LARP4B: variants seen among roughly 807,000 people sequenced by gnomAD.
LARP4B encodes the protein La ribonucleoprotein 4B.
LARP4B carries 12 observed loss-of-function variants against 89.8 expected under a neutral mutation model. The observed-to-expected ratio is 0.13, with a 90% confidence interval of 0.09 to 0.22. The LOEUF is 0.22. Ranked by LOEUF, LARP4B falls within the 10% of genes least tolerant of loss-of-function variation. The probability of loss-of-function intolerance (pLI) is 1.00; values close to 1 mark genes in which losing one functional copy is unlikely to be tolerated. For missense variants in LARP4B, 757 were observed against 947.7 expected, an observed-to-expected ratio of 0.80 and a Z score of 2.64; for synonymous variants, 367 against 363.3, an observed-to-expected ratio of 1.01 and a Z score of -0.12.
At chr10:950,080 C>CT in the LARP4B span, among the ~76,000 whole-genome samples, 10 of 149,518 alleles carry the variant, frequency 6.7e-5, no homozygotes, top group South Asian at 2.1e-4. Context: ...CTGGCCTTAG[C>CT]TTTTTTTTTT....
chr10:882,303 T>C (rs932148808), intron 3 of LARP4B, among the ~76,000 whole-genome samples: 2 of 152,118 alleles, frequency 1.3e-5, no homozygotes, highest in Non-Finnish European at 2.9e-5. Context: ...TACAGTTTAG[T>C]GGAGAAAACA....
Position 822,311 on chromosome 10 carries a change from G to C in LARP4B, c.1485-1466C>G, listed in dbSNP as rs1564382722. Reference sequence around the variant, plus strand: ...GGCATTGCCCTGAGCGCTGGACAGAGGGACAGCAGCCACATGGGCAGAGGA... The same window carrying C: ...GGCATTGCCCTGAGCGCTGGACAGACGGACAGCAGCCACATGGGCAGAGGA... On this transcript the variant is annotated intron_variant, in intron 13 of 17. Transcript: ENST00000316157. This position sits in a 1 kb window ranked among gnomAD's most constrained non-coding sequence, Gnocchi z 4.6. 6.6e-6 allele frequency among the ~76,000 whole-genome samples: 1 copy of C among 152,214 alleles called. No individual in the cohort carries two copies. The highest frequency in any genetic ancestry group is 1.9e-4 in the East Asian group (1 of 5,196).
At chr10:841,201 TAAG>T (rs1223689493) in intron 7 of LARP4B, among the ~76,000 whole-genome samples, 2 of 152,118 alleles carry the variant, frequency 1.3e-5, no homozygotes, top group Non-Finnish European at 2.9e-5. Context: ...AAAAAAAAAG[TAAG>T]ATGAGAACTT....
At chr10:972,230 G>A in the LARP4B span, 4 of 319,080 alleles carry the variant, frequency 1.3e-5, no homozygotes, top group Non-Finnish European at 1.9e-5. Flanking sequence ...GTTTTGCCAT[G>A]TTGGCCAGAC....
chr10:922,716 T>C (rs1000288902), intron 1 of LARP4B, among the ~76,000 whole-genome samples: 1 of 144,922 alleles, frequency 6.9e-6, no homozygotes, highest in Non-Finnish European at 1.5e-5. Context: ...AATAAATAAA[T>C]AACAAGTATC....
chr10:832,726 C>A (rs888883531), intron 8 of LARP4B, among the ~76,000 whole-genome samples: 14 of 151,992 alleles, frequency 9.2e-5, no homozygotes, highest in Admixed American at 6.6e-4. Context: ...AGCAAAAATA[C>A]CTTTCATAAA....
chr10:886,981 A>G (rs1369427968), intron 1 of LARP4B, among the ~76,000 whole-genome samples: 1 of 152,106 alleles, frequency 6.6e-6, no homozygotes, highest in Non-Finnish European at 1.5e-5. Context: ...CCCAGCTACT[A>G]TAGGCTGAGG....
chr10:890,294 G>C (rs1265758075), intron 1 of LARP4B, among the ~76,000 whole-genome samples: 1 of 152,106 alleles, frequency 6.6e-6, no homozygotes, highest in Non-Finnish European at 1.5e-5. Context: ...TGTGTAAACT[G>C]TATCATCAAT....
chr10:875,165 A>T (rs960968459), intron 3 of LARP4B, among the ~76,000 whole-genome samples: 8 of 152,216 alleles, frequency 5.3e-5, no homozygotes, highest in Non-Finnish European at 8.8e-5. Context: ...ATGAAAGGAC[A>T]TAGTAAAGCA....
At chr10:909,623 A>C (rs548572702) in intron 1 of LARP4B, among the ~76,000 whole-genome samples, 1 of 151,764 alleles carries the variant, frequency 6.6e-6, no homozygotes, top group East Asian at 2.0e-4. Flanking sequence ...CGTCTCTACT[A>C]AAAGTACAAA....
At chr10:878,604 C>T (rs1174511105) in intron 3 of LARP4B, among the ~76,000 whole-genome samples, 1 of 152,190 alleles carries the variant, frequency 6.6e-6, no homozygotes, top group Admixed American at 6.5e-5. Context: ...CAGAAATACA[C>T]TGAGTTGTAC....
chr10:941,293 A>G, the LARP4B span, among the ~76,000 whole-genome samples: 1 of 147,796 alleles, frequency 6.8e-6, no homozygotes, highest in South Asian at 2.1e-4. Context: ...CCAATTCCCC[A>G]TGAGCTTACT....
At chr10:961,245 A>T in the LARP4B span, among the ~76,000 whole-genome samples, 1 of 152,240 alleles carries the variant, frequency 6.6e-6, no homozygotes, top group African/African-American at 2.4e-5. Context: ...GTCTTAGTCC[A>T]TTCGTGTTGC....
chr10:886,685 G>A (rs191773435), intron 1 of LARP4B, among the ~76,000 whole-genome samples: 33 of 152,304 alleles, frequency 2.2e-4, no homozygotes, highest in African/African-American at 7.7e-4. Context: ...GAACCTGAAG[G>A]ATATTATGCC....
chr10:817,131 G>A (rs1175432160), intron 15 of LARP4B, among the ~76,000 whole-genome samples: 1 of 152,198 alleles, frequency 6.6e-6, no homozygotes, highest in Non-Finnish European at 1.5e-5. Flanking sequence ...AACGCCAGGT[G>A]TGGCAGCCGG....
At chr10:970,596 G>A in the LARP4B span, among the ~76,000 whole-genome samples, 20 of 152,274 alleles carry the variant, frequency 1.3e-4, 1 homozygote, top group South Asian at 4.1e-3. Context: ...CCACTGAAGT[G>A]TTTATTTTAC....
chr10:848,417 A>G (rs914705514), intron 5 of LARP4B, among the ~76,000 whole-genome samples: 3 of 152,228 alleles, frequency 2.0e-5, no homozygotes, highest in Admixed American at 6.5e-5. Flanking sequence ...AAGAAGCAGG[A>G]AGATATGACC....
intron 12 of LARP4B, 43 bp downstream of exon 12, chr10:825,721 G>C: frequency 7.6e-7 from 1 of 1,317,824 alleles, no homozygotes; most frequent in Non-Finnish European, 1.1e-6. Flanking sequence ...CGGAAGGGCA[G>C]TAGCGTAAAG....
chr10:964,872 G>A, the LARP4B span, among the ~76,000 whole-genome samples: 1 of 152,196 alleles, frequency 6.6e-6, no homozygotes, highest in Non-Finnish European at 1.5e-5. Context: ...GCACAGCTCT[G>A]AGGCGGTGGA....
Sources: allele counts gnomAD v4.1 joint callset (sites outside exome capture counted in the v4.1 genomes callset), GRCh38; gene constraint gnomAD v4.1.1; non-coding constraint Gnocchi (gnomAD v3.1); transcripts MANE v1.5; gene names NCBI Gene and HGNC (gene_info 2026-07-23, HGNC 2026-07-21).